LIG1: variants seen among roughly 807,000 people sequenced by gnomAD.
LIG1 encodes the protein ligase I, DNA, ATP-dependent.
A neutral mutation model predicts 115.7 loss-of-function variants in LIG1; 70 were observed. That is an observed-to-expected ratio of 0.60 (90% CI 0.50 to 0.74). LIG1 has a LOEUF of 0.74. Ranked by LOEUF, LIG1 falls within the 30% of genes least tolerant of loss-of-function variation. LIG1 has a pLI of 0.00. For synonymous variants in LIG1, 487 were observed against 495.3 expected (o/e 0.98, Z 0.22); for missense variants, 1,115 against 1,225.6 (o/e 0.91, Z 1.35).
chr19:48,150,751 G>A (rs1258539884), intron 7 of LIG1, among the ~76,000 whole-genome samples: 1 of 152,204 alleles, frequency 6.6e-6, no homozygotes. Flanking sequence ...AGGCTGGAGT[G>A]CAGTGGTGCG....
chr19:48,134,734 A>G (rs2034271224), intron 16 of LIG1, among the ~76,000 whole-genome samples: 1 of 152,244 alleles, frequency 6.6e-6, no homozygotes, highest in Non-Finnish European at 1.5e-5. Context: ...GGTGTGGGGT[A>G]GGCCTGAGGT....
intron 23 of LIG1, 101 bp from the exon 24 acceptor site, chr19:48,121,423 T>A: frequency 8.5e-7 from 1 of 1,181,534 alleles, no homozygotes; most frequent in Non-Finnish European, 1.1e-6. Flanking sequence ...GGACTAGAAG[T>A]AAGTCTGAAG....
intron 9 of LIG1, among the ~76,000 whole-genome samples, chr19:48,145,545 C>T (rs990040623): frequency 7.7e-5 from 10 of 129,548 alleles, no homozygotes; most frequent in Non-Finnish European, 1.4e-4. Flanking sequence ...TCAGCTGATT[C>T]TGATGCTCAC....
intron 17 of LIG1, chr19:48,133,396 A>G (rs2034170108): frequency 7.0e-6 from 3 of 428,484 alleles, no homozygotes; most frequent in Non-Finnish European, 1.3e-5. Context: ...TCCTCCCACA[A>G]TTAGAACAGG....
chr19:48,134,372 G>A (rs771008076), intron 16 of LIG1, among the ~76,000 whole-genome samples: 18 of 152,194 alleles, frequency 1.2e-4, no homozygotes, highest in African/African-American at 3.1e-4. Context: ...GTTTTTGGCC[G>A]GGCATGGTGG....
At chr19:48,164,122 A>T (rs2036347352) in intron 2 of LIG1, among the ~76,000 whole-genome samples, 1 of 152,144 alleles carries the variant, frequency 6.6e-6, no homozygotes, top group Admixed American at 6.5e-5. Flanking sequence ...CCAAGGGTAT[A>T]CAGGACCTCT....
chr19:48,163,628 A>G (rs1040750557), intron 2 of LIG1, among the ~76,000 whole-genome samples: 5 of 152,116 alleles, frequency 3.3e-5, no homozygotes, highest in Non-Finnish European at 7.4e-5. Flanking sequence ...GAAGGGCAGA[A>G]ATATTAAGCA....
chr19:48,138,825 T>G (rs1008603614), intron 12 of LIG1, among the ~76,000 whole-genome samples: 2 of 152,166 alleles, frequency 1.3e-5, no homozygotes, highest in Non-Finnish European at 2.9e-5. Flanking sequence ...GCTCAGAGTA[T>G]TCTTAACCGA....
intron 26 of LIG1, among the ~76,000 whole-genome samples, chr19:48,117,411 C>T (rs149043090): frequency 0.011 from 1,728 of 152,302 alleles, 36 homozygotes; most frequent in African/African-American, 0.038. Context: ...CTGCCTGCCT[C>T]GGTCTCCCAA....
intron 11 of LIG1, among the ~76,000 whole-genome samples, chr19:48,142,499 G>A (rs1355849511): frequency 1.3e-5 from 2 of 148,466 alleles, no homozygotes; most frequent in Non-Finnish European, 3.0e-5. Flanking sequence ...CTCATGTTGG[G>A]GAACTGAGAA....
intron 2 of LIG1, among the ~76,000 whole-genome samples, chr19:48,164,545 ATGTGGCCCAG>A (rs2036370478): frequency 1.3e-5 from 2 of 152,308 alleles, no homozygotes; most frequent in South Asian, 2.1e-4. Context: ...AGGGATAGGT[ATGTGGCCCAG>A]GCTGGGCCAG....
intron 9 of LIG1, among the ~76,000 whole-genome samples, chr19:48,144,899 T>G (rs2035019017): frequency 6.6e-6 from 1 of 151,766 alleles, no homozygotes; most frequent in African/African-American, 2.4e-5. Context: ...GCAGCGCAGC[T>G]CTAGAGACAG....
intron 3 of LIG1, among the ~76,000 whole-genome samples, chr19:48,162,047 G>A (rs934515129): frequency 6.6e-6 from 1 of 152,120 alleles, no homozygotes; most frequent in African/African-American, 2.4e-5. Flanking sequence ...GTTCTAGAAC[G>A]AGGCCAAGAC....
intron 16 of LIG1, 118 bp from the exon 17 acceptor site, chr19:48,134,184 C>T: frequency 1.2e-6 from 1 of 822,572 alleles, no homozygotes; most frequent in Non-Finnish European, 2.0e-6. Flanking sequence ...CCCACTGAGT[C>T]ACCACCTGCC....
chr19:48,148,793 C>G (rs2035290788), intron 9 of LIG1, among the ~76,000 whole-genome samples: 1 of 152,204 alleles, frequency 6.6e-6, no homozygotes, highest in South Asian at 2.1e-4. Flanking sequence ...CCAGACATCT[C>G]TTCAAATAAT....
At position 48,123,256 on chromosome 19, in the gene LIG1, T is replaced by C. The variant is rs1205446223; in HGVS notation, c.2067A>G (p.Thr689=). The C allele has an allele frequency of 6.2e-7, 1 of 1,614,142 alleles. No individual in the cohort carries two copies. The highest frequency in any genetic ancestry group is 8.5e-7 in the Non-Finnish European group (1 of 1,180,020). The change falls in exon 22 of 28, where the codon ACA becomes ACG. Residue 689 remains threonine (T), a synonymous_variant. Transcript: ENST00000263274. The part of the protein sequence containing the change: ...RQLLRENFVE[T]EGEFVFATSL... ...AGGTGGCGAAGACAAACTCGCCCTC[T>C]GTCTCCACAAAGTTCTCCCGGAGCA...
At chr19:48,166,634 A>G (rs1022025015) in intron 1 of LIG1, among the ~76,000 whole-genome samples, 54 of 152,204 alleles carry the variant, frequency 3.5e-4, no homozygotes, top group East Asian at 7.7e-4. Context: ...AATGAAATCA[A>G]TAACAGTCAC....
intron 11 of LIG1, among the ~76,000 whole-genome samples, chr19:48,142,442 C>CAAAAAAAAAAAAAAAAAAAAAAAAAAAA (rs561137392): frequency 1.7e-4 from 13 of 75,602 alleles, no homozygotes; most frequent in African/African-American, 2.9e-4. Context: ...GACTCCATCT[C>CAAAAAAAAAAAAAAAAAAAAAAAAAAAA]AAAAAAAAAA....
intron 1 of LIG1, 83 bp from the exon 2 acceptor site, chr19:48,165,706 A>AAAT: frequency 1.9e-5 from 19 of 985,870 alleles, no homozygotes; most frequent in Non-Finnish European, 2.4e-5. Context: ...TTTAAGAAAG[A>AAAT]AAGAAAAAAA....
Sources: gnomAD v4.1 joint callset for allele counts (sites outside exome capture counted in the v4.1 genomes callset) on GRCh38, gnomAD v4.1.1 for gene constraint, MANE v1.5 for transcripts, NCBI Gene and HGNC (gene_info 2026-07-23, HGNC 2026-07-21) for gene names.